The following SETBP1 variants were observed in gnomAD, a reference collection of about 807,000 sequenced individuals.
The protein encoded by SETBP1 is SET-binding protein.
A neutral mutation model predicts 101.0 loss-of-function variants in SETBP1; 9 were observed. The observed-to-expected ratio is 0.09, with a 90% CI of 0.05 to 0.16. SETBP1 has a LOEUF of 0.16. SETBP1 is among the 10% of genes least tolerant of loss of function. SETBP1 has a pLI of 1.00. For missense variants in SETBP1, 1,858 were observed against 2,033.8 expected (o/e 0.91, Z 1.66); for synonymous variants, 818 against 788.5 (o/e 1.04, Z -0.63).
At chr18:44,842,349 A>G (rs2072633695) in intron 2 of SETBP1, among the ~76,000 whole-genome samples, 1 of 152,152 alleles carries the variant, frequency 6.6e-6, no homozygotes, top group South Asian at 2.1e-4. Context: ...ATTATGAACC[A>G]TTTACTTCCT....
chr18:44,953,389 G>A (rs1356123639), intron 4 of SETBP1, 49 bp downstream of exon 4: 1 of 1,533,922 alleles, frequency 6.5e-7, no homozygotes, highest in African/African-American at 1.4e-5. Flanking sequence ...TTTCATTGCT[G>A]GGCTTTGCAC....
chr18:44,799,488 C>T (rs953057512), intron 2 of SETBP1, among the ~76,000 whole-genome samples: 1 of 152,200 alleles, frequency 6.6e-6, no homozygotes, highest in Non-Finnish European at 1.5e-5. Context: ...AAACTGCACT[C>T]TTGCGCATGT....
intron 5 of SETBP1, among the ~76,000 whole-genome samples, chr18:45,042,880 A>G (rs16978258): frequency 0.13 from 19,494 of 152,154 alleles, 1,911 homozygotes; most frequent in African/African-American, 0.27. Flanking sequence ...GATCAGCCTC[A>G]GTGGTCAAAC....
At chr18:44,880,653 C>T (rs922928552) in intron 3 of SETBP1, among the ~76,000 whole-genome samples, 2 of 151,994 alleles carry the variant, frequency 1.3e-5, no homozygotes, top group Admixed American at 1.3e-4. Context: ...CAATCGTGGC[C>T]GAAGGTAAAG....
chr18:44,978,004 T>C (rs553100327), intron 4 of SETBP1, among the ~76,000 whole-genome samples: 1 of 152,328 alleles, frequency 6.6e-6, no homozygotes, highest in South Asian at 2.1e-4. Context: ...TTCTTGAATC[T>C]GAGATAACTA....
rs546043469 is a variant in SETBP1, at chr18:44,982,023, T to TA, written c.4000+28690dup. Among the ~76,000 whole-genome samples the TA allele has an allele frequency of 1.9e-3, 293 of 152,160 alleles. 1 individual carries two copies. Among genetic ancestry groups the TA allele is most frequent in the Middle Eastern group, 0.017 (5 of 292 alleles). On this transcript the variant is annotated intron_variant, in intron 4 of 5. Coordinates refer to ENST00000649279, the MANE Select transcript of SETBP1 (RefSeq NM_015559.3). Reference sequence around the variant, plus strand: ...CAGAGCAAGCTTATTGTAGGAAGCATAAAAAAACACCCCATAAAGCGAAAG... The same window carrying TA: ...CAGAGCAAGCTTATTGTAGGAAGCATAAAAAAAACACCCCATAAAGCGAAAG...
intron 5 of SETBP1, among the ~76,000 whole-genome samples, chr18:45,055,285 A>G (rs1463424400): frequency 6.6e-6 from 1 of 152,226 alleles, no homozygotes; most frequent in Non-Finnish European, 1.5e-5. Context: ...TTGATCATGC[A>G]GTGATATTAG....
At chr18:44,885,857 C>CAAAAAAAAAAAAAAAAAAAAAAAAA (rs1555696149) in intron 3 of SETBP1, among the ~76,000 whole-genome samples, 1 of 78,166 alleles carries the variant, frequency 1.3e-5, no homozygotes, top group Non-Finnish European at 2.4e-5. Context: ...AAAAAAAAAA[C>CAAAAAAAAAAAAAAAAAAAAAAAAA]AAAAAAAAAA....
Position 44,714,661 on chromosome 18 carries a change from C to T in SETBP1, c.486+12829C>T, listed in dbSNP as rs79858825. On this transcript the variant is annotated intron_variant, in intron 2 of 5. Transcript: ENST00000649279. ...GTGAGCGCTCTCCTATCCAGATATACTGTAACAGAGCTGAAGCATCTTAAT... is the reference window on the plus strand; with the variant it reads ...GTGAGCGCTCTCCTATCCAGATATATTGTAACAGAGCTGAAGCATCTTAAT... 1.3e-4 allele frequency among the ~76,000 whole-genome samples: 19 copies of T among 151,742 alleles called. No individual in the cohort carries two copies. In the East Asian group the frequency reaches 3.7e-3, roughly 29 times the overall value.
At chr18:44,744,394 C>A (rs893484585) in intron 2 of SETBP1, among the ~76,000 whole-genome samples, 1 of 152,262 alleles carries the variant, frequency 6.6e-6, no homozygotes, top group African/African-American at 2.4e-5. Flanking sequence ...CCCTGAGGGG[C>A]CCTGCCTGGG....
At chr18:44,718,236 G>A (rs972326401) in intron 2 of SETBP1, among the ~76,000 whole-genome samples, 1 of 152,190 alleles carries the variant, frequency 6.6e-6, no homozygotes, top group African/African-American at 2.4e-5. Flanking sequence ...CACAGATTGG[G>A]TAGCAGCAGG....
intron 2 of SETBP1, among the ~76,000 whole-genome samples, chr18:44,844,062 T>C (rs1226966643): frequency 6.6e-6 from 1 of 152,192 alleles, no homozygotes; most frequent in Non-Finnish European, 1.5e-5. Context: ...TACATGTGTG[T>C]ATGGAAAATG....
At chr18:44,720,382 T>C (rs1050418477) in intron 2 of SETBP1, among the ~76,000 whole-genome samples, 2 of 152,210 alleles carry the variant, frequency 1.3e-5, no homozygotes, top group Non-Finnish European at 2.9e-5. Context: ...ATCAACAGTA[T>C]AGTTTTCTCA....
intron 1 of SETBP1, among the ~76,000 whole-genome samples, chr18:44,694,907 A>T (rs998077380): frequency 5.9e-5 from 9 of 152,258 alleles, no homozygotes; most frequent in African/African-American, 2.2e-4. Context: ...AGTATGACCC[A>T]TGGAAAAGGA....
At chr18:44,962,045 T>C (rs922141394) in intron 4 of SETBP1, among the ~76,000 whole-genome samples, 4 of 152,164 alleles carry the variant, frequency 2.6e-5, no homozygotes, top group African/African-American at 7.2e-5. Context: ...GCATATAGCA[T>C]AGTGCCAGGG....
At chr18:44,974,119 A>G (rs573375371) in intron 4 of SETBP1, among the ~76,000 whole-genome samples, 6 of 152,366 alleles carry the variant, frequency 3.9e-5, no homozygotes, top group African/African-American at 1.4e-4. Flanking sequence ...TTGTATGAAT[A>G]TAAAATTATT....
At chr18:44,685,878 T>C (rs2068830536) in intron 1 of SETBP1, among the ~76,000 whole-genome samples, 1 of 152,238 alleles carries the variant, frequency 6.6e-6, no homozygotes, top group Non-Finnish European at 1.5e-5. Flanking sequence ...TACTATGCCA[T>C]GTGCTTTTTG....
chr18:44,735,039 A>T (rs1243622165), intron 2 of SETBP1, among the ~76,000 whole-genome samples: 1 of 152,230 alleles, frequency 6.6e-6, no homozygotes, highest in Admixed American at 6.5e-5. Context: ...TCTACATAGA[A>T]TTCTACTTAG....
At chr18:44,995,272 G>T (rs1436407506) in intron 4 of SETBP1, among the ~76,000 whole-genome samples, 1 of 150,824 alleles carries the variant, frequency 6.6e-6, no homozygotes, top group African/African-American at 2.4e-5. Flanking sequence ...CTCCCGAGTA[G>T]CTGGGACTAC....
Sources: allele counts gnomAD v4.1 joint callset (sites outside exome capture counted in the v4.1 genomes callset), GRCh38; gene constraint gnomAD v4.1.1; transcripts MANE v1.5; gene names NCBI Gene and HGNC (gene_info 2026-07-23, HGNC 2026-07-21).